Variants in CTNND2 observed in about 807,000 individuals in gnomAD.
CTNND2 encodes the protein catenin delta-2.
A neutral mutation model predicts 144.4 loss-of-function variants in CTNND2; 22 were observed. That is an observed-to-expected ratio of 0.15 (90% CI 0.11 to 0.22). CTNND2 has a LOEUF of 0.22. Among genes scored for constraint, CTNND2 ranks in the 10% least tolerant of loss-of-function variants. The probability of loss-of-function intolerance (pLI) is 1.00; values close to 1 mark genes in which losing one functional copy is unlikely to be tolerated. For synonymous variants in CTNND2, 751 were observed against 695.6 expected (o/e 1.08, Z -1.25); for missense variants, 1,353 against 1,618.8 (o/e 0.84, Z 2.82).
At chr5:11,322,953 T>C (rs2150071324) in intron 9 of CTNND2, among the ~76,000 whole-genome samples, 1 of 152,298 alleles carries the variant, frequency 6.6e-6, no homozygotes, top group East Asian at 1.9e-4. Context: ...TTTAGTTCTG[T>C]GGGCAGATGT....
At chr5:11,807,416 T>C (rs907212298) in intron 1 of CTNND2, among the ~76,000 whole-genome samples, 3 of 152,184 alleles carry the variant, frequency 2.0e-5, no homozygotes, top group African/African-American at 7.2e-5. Flanking sequence ...CTCTAAGTCC[T>C]TGTGTTGATT....
At chr5:11,833,484 C>T (rs1794016455) in intron 1 of CTNND2, among the ~76,000 whole-genome samples, 1 of 151,862 alleles carries the variant, frequency 6.6e-6, no homozygotes, top group South Asian at 2.1e-4. Context: ...GTGGTGACTA[C>T]AGTGGGGAAG....
At chr5:11,226,586 A>T (rs1006752183) in intron 10 of CTNND2, among the ~76,000 whole-genome samples, 2 of 152,234 alleles carry the variant, frequency 1.3e-5, no homozygotes, top group African/African-American at 4.8e-5. Flanking sequence ...CGTCCAACAA[A>T]GAGAGAATTT....
intron 1 of CTNND2, among the ~76,000 whole-genome samples, chr5:11,796,628 C>T (rs140777589): frequency 1.3e-4 from 20 of 152,178 alleles, no homozygotes; most frequent in African/African-American, 4.8e-4. Context: ...AGCATTTGCC[C>T]ATTTTTAAGG....
chr5:11,204,470 T>C (rs927246404), intron 10 of CTNND2, among the ~76,000 whole-genome samples: 1 of 152,194 alleles, frequency 6.6e-6, no homozygotes, highest in Non-Finnish European at 1.5e-5. Flanking sequence ...AGGTAGAATA[T>C]ATCTAAGCCT....
chr5:11,035,949 T>C (rs528819852), intron 16 of CTNND2, among the ~76,000 whole-genome samples: 7 of 152,244 alleles, frequency 4.6e-5, no homozygotes, highest in Non-Finnish European at 1.0e-4. Flanking sequence ...GCCTGTGAAC[T>C]TTCTACTGCA....
At chr5:11,257,324 T>C (rs1744361073) in intron 9 of CTNND2, among the ~76,000 whole-genome samples, 1 of 152,192 alleles carries the variant, frequency 6.6e-6, no homozygotes, top group African/African-American at 2.4e-5. Context: ...GCAGGAGTCA[T>C]GGGAATATTC....
intron 16 of CTNND2, among the ~76,000 whole-genome samples, chr5:11,039,755 A>G (rs2149565251): frequency 6.6e-6 from 1 of 152,270 alleles, no homozygotes; most frequent in East Asian, 1.9e-4. Context: ...TTTTCTAATA[A>G]CCATTATTTT....
intron 1 of CTNND2, among the ~76,000 whole-genome samples, chr5:11,746,774 C>T (rs559289800): frequency 1.3e-5 from 2 of 152,238 alleles, no homozygotes; most frequent in East Asian, 3.9e-4. Flanking sequence ...TCATTAAATG[C>T]TTATTGAATA....
chr5:11,129,390 A>G (rs1460808621), intron 12 of CTNND2, among the ~76,000 whole-genome samples: 1 of 137,604 alleles, frequency 7.3e-6, no homozygotes, highest in African/African-American at 2.8e-5. Context: ...GGCATAGAAA[A>G]TACCTGCTCT....
At position 11,420,302 on chromosome 5, in the gene CTNND2, G is replaced by A. The variant is rs543366876; in HGVS notation, c.288-8233C>T. Among the ~76,000 whole-genome samples the A allele has an allele frequency of 4.1e-3, 623 of 152,220 alleles. 3 individuals carry two copies. Among genetic ancestry groups the A allele is most frequent in the African/African-American group, 0.014 (584 of 41,532 alleles). On this transcript the variant is annotated intron_variant, in intron 3 of 21. Coordinates refer to ENST00000304623, the MANE Select transcript of CTNND2 (RefSeq NM_001332.4). ...GGCACCACTGCATTCCAGCCCGGGC[G>A]ACAGTGCAAGACTTCGTGTCAAAAA...
chr5:11,523,314 T>C (rs1772925774), intron 3 of CTNND2, among the ~76,000 whole-genome samples: 2 of 152,210 alleles, frequency 1.3e-5, no homozygotes, highest in Non-Finnish European at 2.9e-5. Context: ...TTTGGAGTTG[T>C]TTCTACACTT....
chr5:11,795,575 G>A (rs1791358073), intron 1 of CTNND2, among the ~76,000 whole-genome samples: 1 of 152,132 alleles, frequency 6.6e-6, no homozygotes, highest in Non-Finnish European at 1.5e-5. Context: ...ATGTAGCGTG[G>A]GAGGGATAGA....
chr5:11,723,017 T>A (rs555234766), intron 2 of CTNND2, among the ~76,000 whole-genome samples: 4 of 152,130 alleles, frequency 2.6e-5, no homozygotes, highest in African/African-American at 9.6e-5. Flanking sequence ...GCATACAAAA[T>A]AAGCACTAAA....
intron 9 of CTNND2, among the ~76,000 whole-genome samples, chr5:11,281,154 G>C (rs529281604): frequency 4.6e-5 from 7 of 152,156 alleles, no homozygotes; most frequent in African/African-American, 1.7e-4. Flanking sequence ...AATGGCAGAC[G>C]TTTGCTCCTT....
chr5:11,034,343 A>G (rs951544688), intron 16 of CTNND2, among the ~76,000 whole-genome samples: 4 of 152,204 alleles, frequency 2.6e-5, no homozygotes, highest in Non-Finnish European at 2.9e-5. Context: ...TTGAATTGTA[A>G]TAACTGCTGT....
At chr5:11,112,397 G>T (rs1283271067) in intron 13 of CTNND2, among the ~76,000 whole-genome samples, 1 of 152,208 alleles carries the variant, frequency 6.6e-6, no homozygotes, top group Non-Finnish European at 1.5e-5. Context: ...ACAAGCCGAG[G>T]TATGTGGGCA....
chr5:11,126,241 C>T (rs532486653), intron 12 of CTNND2, among the ~76,000 whole-genome samples: 33 of 152,160 alleles, frequency 2.2e-4, no homozygotes, highest in Non-Finnish European at 2.9e-5. Flanking sequence ...GCGGAGGTTG[C>T]GGTGAGCTGA....
chr5:11,775,121 T>C (rs1340876250), intron 1 of CTNND2, among the ~76,000 whole-genome samples: 1 of 152,132 alleles, frequency 6.6e-6, no homozygotes, highest in Non-Finnish European at 1.5e-5. Context: ...CTGAGAAAAG[T>C]GCGGTTTTTA....
Sources: allele counts gnomAD v4.1 joint callset (sites outside exome capture counted in the v4.1 genomes callset), GRCh38; gene constraint gnomAD v4.1.1; transcripts MANE v1.5; gene names NCBI Gene and HGNC (gene_info 2026-07-23, HGNC 2026-07-21).